The following TPM3 variants were observed in gnomAD, a reference collection of about 807,000 sequenced individuals.
The protein encoded by TPM3 is tropomyosin 3.
A neutral mutation model predicts 43.1 loss-of-function variants in TPM3; 16 were observed. The ratio of observed to expected loss-of-function variants is 0.37; its 90% confidence interval spans 0.25 to 0.56. The LOEUF (loss-of-function observed/expected upper bound fraction) is 0.56. Among genes scored for constraint, TPM3 ranks in the 20% least tolerant of loss-of-function variants. The pLI is 0.77. For synonymous variants in TPM3, 101 were observed against 116.9 expected, an observed-to-expected ratio of 0.86 and a Z score of 0.88; for missense variants, 176 against 337.2, an observed-to-expected ratio of 0.52 and a Z score of 3.74.
intron 6 of TPM3, chr1:154,170,934 A>C (rs905954849): frequency 1.7e-6 from 1 of 587,572 alleles, no homozygotes; most frequent in Non-Finnish European, 3.0e-6. Context: ...ATGACTTTTT[A>C]AGATGGATCT....
At position 154,171,792 on chromosome 1, in the gene TPM3, A is replaced by G. The variant is rs1404985983; in HGVS notation, c.567-304T>C. ...GGGGTGGAGGTGGGAACAAATGCCC[A>G]ACCCAAACAGTCCCCCAAATCACCC... is the stretch of plus-strand genomic sequence containing the variant. On this transcript the variant is annotated intron_variant, in intron 5 of 9. Transcript: ENST00000651641. 3 of 632,354 alleles carry G rather than the reference A, an allele frequency of 4.7e-6. No individual in the cohort carries two copies. In the African/African-American group the frequency reaches 5.5e-5, roughly 12 times the overall value. 39.2% of individuals were successfully genotyped at this position (632,354 alleles called of 1,614,324 possible). A position where few individuals can be genotyped will look rare whatever the true frequency, so the allele number is the denominator to read the frequency against.
intron 2 of TPM3, among the ~76,000 whole-genome samples, chr1:154,185,887 C>G (rs1663393812): frequency 6.6e-6 from 1 of 151,374 alleles, no homozygotes; most frequent in Non-Finnish European, 1.5e-5. Flanking sequence ...TGGGACAGCT[C>G]TCTTTTCTCC....
In TPM3 at chr1:154,163,653, A is replaced by T. The variant is rs1480673847; in HGVS notation, c.*4284T>A. On this transcript the variant is annotated 3_prime_UTR_variant, in exon 10 of 10. Coordinates refer to ENST00000651641, the MANE Select transcript of TPM3 (RefSeq NM_152263.4). ...TTCCTCATTGTTTAATTTTTTTTTG[A>T]GACAGAGTCTTGCTCTGTCACCCAG... Among the ~76,000 whole-genome samples, 1 of 151,702 alleles carries T rather than the reference A, an allele frequency of 6.6e-6. No homozygotes were observed. The highest frequency in any genetic ancestry group is 6.6e-5 in the Admixed American group (1 of 15,248).
intron 8 of TPM3, chr1:154,169,652 A>G: frequency 1.8e-6 from 1 of 554,204 alleles, no homozygotes; most frequent in South Asian, 2.1e-5. Flanking sequence ...CTATTACCAA[A>G]AGCACTCAAG....
Position 154,167,288 on chromosome 1 carries a change from T to C in TPM3, c.*649A>G, listed in dbSNP as rs1169734751. The stretch of plus-strand genomic sequence containing the variant: ...TATTTTTCTGTGACTGGAGTTGACA[T>C]AATTAGTCAATCTTAGCAATAATGT... On this transcript the variant is annotated 3_prime_UTR_variant, in exon 10 of 10. Transcript: ENST00000651641. 1.0e-6 allele frequency: 1 copy of C among 984,636 alleles called. No homozygotes were observed. The highest frequency in any genetic ancestry group is 1.2e-6 in the Non-Finnish European group (1 of 829,228). 61.0% of individuals were successfully genotyped at this position (984,636 alleles called of 1,614,324 possible).
At chr1:154,168,612 C>G (rs181577049) in intron 9 of TPM3, among the ~76,000 whole-genome samples, 23 of 152,258 alleles carry the variant, frequency 1.5e-4, no homozygotes, top group Non-Finnish European at 3.2e-4. Flanking sequence ...ACCTCCATCT[C>G]CTGGTTTCAA....
rs527401847 is a variant in TPM3, at chr1:154,162,222, G to C, written c.*5715C>G. Among the ~76,000 whole-genome samples the C allele has an allele frequency of 1.3e-5, 2 of 151,738 alleles. No individual in the cohort carries two copies. Among genetic ancestry groups the C allele is most frequent in the Admixed American group, 1.3e-4 (2 of 15,220 alleles). ...TCTACTAAAAACACAAAAATTAGCC[G>C]GGCTTGGTTGCACGTGCCTGTAATC... On this transcript the variant is annotated 3_prime_UTR_variant, in exon 10 of 10. Transcript: ENST00000651641.
chr1:154,163,619 C>T lies in TPM3; in HGVS notation c.*4318G>A, dbSNP rs1660619748. On this transcript the variant is annotated 3_prime_UTR_variant, in exon 10 of 10. Transcript: ENST00000651641. Reference sequence around the variant, plus strand: ...CAGTTCCATTTGGTTCCTCCTCTTACATAACGTTTTCCTCATTGTTTAATT... The same window carrying T: ...CAGTTCCATTTGGTTCCTCCTCTTATATAACGTTTTCCTCATTGTTTAATT... Among the ~76,000 whole-genome samples, 1 of 151,986 alleles carries T rather than the reference C, an allele frequency of 6.6e-6. No homozygotes were observed. The highest frequency in any genetic ancestry group is 2.1e-4 in the South Asian group (1 of 4,820).
chr1:154,178,069 G>A, intron 2 of TPM3: 1 of 890,982 alleles, frequency 1.1e-6, no homozygotes. Context: ...AGCAAGTCAG[G>A]CTATCAGGCA....
At chr1:154,174,407 T>C (rs7536468) in intron 3 of TPM3, among the ~76,000 whole-genome samples, 13,259 of 72,540 alleles carry the variant, frequency 0.18, 2,361 homozygotes, top group African/African-American at 0.43. Context: ...TATATATATA[T>C]ACACACAAAA....
Position 154,175,336 on chromosome 1 carries a change from A to AG in TPM3, c.377+778_377+779insC, listed in dbSNP as rs1049689717. On this transcript the variant is annotated intron_variant, in intron 3 of 9. Coordinates refer to ENST00000651641, the MANE Select transcript of TPM3 (RefSeq NM_152263.4). ...ATAGAGCGAGACTCTGTCTCAAAAA[A>AG]AAAAAAAAAAAAAAAATTAGCTGGA... is the stretch of plus-strand genomic sequence containing the variant. 1.7e-4 allele frequency among the ~76,000 whole-genome samples: 26 copies of AG among 151,674 alleles called. 1 individual carries two copies. In the East Asian group the frequency reaches 5.1e-3, roughly 29 times the overall value.
chr1:154,177,453 A>G (rs1662462118), intron 2 of TPM3, among the ~76,000 whole-genome samples: 1 of 152,138 alleles, frequency 6.6e-6, no homozygotes, highest in African/African-American at 2.4e-5. Context: ...TCTAAGAAAC[A>G]AGGAAAGAAG....
In TPM3 at chr1:154,169,334, C is replaced by G. The variant is rs769466201; in HGVS notation, c.825G>C (p.Leu275=). The G allele has an allele frequency of 6.2e-7, 1 of 1,614,178 alleles. No homozygotes were observed. The highest frequency in any genetic ancestry group is 8.5e-7 in the Non-Finnish European group (1 of 1,180,042). Residue 275 remains leucine, a synonymous_variant, in exon 9 of 10, where the codon CTG becomes CTC. Coordinates refer to ENST00000651641, the MANE Select transcript of TPM3 (RefSeq NM_152263.4). ...AGGTCATGTCATTGAGGGCGTGGTC[C>G]AGCTCCTCGCTAATGGCCTTGTACT... ...KLKYKAISEE[L]DHALNDMTSI is the part of the protein sequence containing the mutation.
intron 6 of TPM3, 116 bp from the exon 7 acceptor site, chr1:154,170,827 C>T (rs1040526885): frequency 1.3e-6 from 1 of 791,602 alleles, no homozygotes; most frequent in East Asian, 2.5e-5. Context: ...GCTGAATGGT[C>T]CAAGAGTAAG....
At chr1:154,158,441 C>T (rs1388347855), downstream of TPM3, among the ~76,000 whole-genome samples, 1 of 152,220 alleles carries the variant, frequency 6.6e-6, no homozygotes, top group African/African-American at 2.4e-5. Context: ...AAGCAAACCA[C>T]TCTGACTGCT....
Position 154,191,207 on chromosome 1 carries a change from C to T in TPM3, c.222G>A (p.Leu74=), listed in dbSNP as rs772918720. Residue 74 remains leucine, a synonymous_variant, in exon 2 of 10, where the codon CTG becomes CTA. Coordinates refer to ENST00000651641, the MANE Select transcript of TPM3 (RefSeq NM_152263.4). ...TCACATCAGCAGCCTTCTTCTCTGC[C>T]AGTTCCAGCTTCTCCTGGGCATCCT... ...ALKDAQEKLE[L]AEKKAADAEA... The T allele has an allele frequency of 1.2e-6, 2 of 1,614,192 alleles. No homozygotes were observed. Among genetic ancestry groups the T allele is most frequent in the Non-Finnish European group, 1.7e-6 (2 of 1,180,034 alleles).
At chr1:154,156,730 T>TATC (rs1321826054), downstream of TPM3, 1 of 198,312 alleles carries the variant, frequency 5.0e-6, no homozygotes, top group Non-Finnish European at 1.0e-5. Context: ...CACTGACTGA[T>TATC]ACAAAGCACA....
intron 2 of TPM3, chr1:154,183,100 A>C (rs769077721): frequency 6.3e-7 from 1 of 1,599,250 alleles, no homozygotes; most frequent in Non-Finnish European, 8.5e-7. Flanking sequence ...CACCGCCTCG[A>C]TGGTGGTGAT....
rs1660683486 is a variant in TPM3, at chr1:154,164,010, A to AT, written c.*3926dup. On this transcript the variant is annotated 3_prime_UTR_variant, in exon 10 of 10. Coordinates refer to ENST00000651641, the MANE Select transcript of TPM3 (RefSeq NM_152263.4). ...CATAAACTACCTGTACCCCATATGG[A>AT]TTCCCAACTCTCTTATGTCAACCTC... 6.6e-6 allele frequency among the ~76,000 whole-genome samples: 1 copy of AT among 151,622 alleles called. No individual in the cohort carries two copies. The highest frequency in any genetic ancestry group is 2.4e-5 in the African/African-American group (1 of 41,210).
Sources: allele counts gnomAD v4.1 joint callset (sites outside exome capture counted in the v4.1 genomes callset), GRCh38; gene constraint gnomAD v4.1.1; transcripts MANE v1.5; gene names NCBI Gene and HGNC (gene_info 2026-07-23, HGNC 2026-07-21).